ANKRD17: variants seen among roughly 807,000 people sequenced by gnomAD.
The protein encoded by ANKRD17 is ankyrin repeat domain 17, also known as ankyrin repeat domain-containing protein 17.
ANKRD17 carries 19 observed loss-of-function variants against 229.7 expected under a neutral mutation model. The observed-to-expected ratio is 0.08, with a 90% CI of 0.06 to 0.12. The LOEUF is 0.12. Ranked by LOEUF, ANKRD17 falls within the 10% of genes least tolerant of loss-of-function variation. The pLI, the probability that ANKRD17 is intolerant of heterozygous loss-of-function variation, is 1.00. For missense variants in ANKRD17, 2,176 were observed against 3,176.8 expected, an observed-to-expected ratio of 0.68 and a Z score of 7.57; for synonymous variants, 1,112 against 1,146.1, an observed-to-expected ratio of 0.97 and a Z score of 0.60.
chr4:73,118,094 G>C (rs576543082), intron 22 of ANKRD17, among the ~76,000 whole-genome samples: 1 of 152,112 alleles, frequency 6.6e-6, no homozygotes, highest in Admixed American at 6.5e-5. Flanking sequence ...TCAGCTCACT[G>C]CAACCTTTGC....
chr4:73,129,460 T>A (rs1241371560), intron 16 of ANKRD17, among the ~76,000 whole-genome samples: 1 of 152,108 alleles, frequency 6.6e-6, no homozygotes, highest in East Asian at 1.9e-4. Flanking sequence ...GTACAATGGC[T>A]CATGCCTGTA....
chr4:73,131,359 A>C (rs1282330629), intron 16 of ANKRD17, among the ~76,000 whole-genome samples: 1 of 152,240 alleles, frequency 6.6e-6, no homozygotes, highest in Non-Finnish European at 1.5e-5. Flanking sequence ...CTCCTGTCTA[A>C]AATGTTCAAC....
chr4:73,149,860 T>C (rs1321527069), intron 7 of ANKRD17, among the ~76,000 whole-genome samples: 1 of 152,128 alleles, frequency 6.6e-6, no homozygotes, highest in Admixed American at 6.6e-5. Context: ...TGAGACCCTG[T>C]CTCAAAAATG....
Position 73,142,433 on chromosome 4 carries a change from T to TA in ANKRD17, c.2086-49dup, listed in dbSNP as rs751886437. On this transcript the variant is annotated intron_variant, in intron 12 of 33. Coordinates refer to ENST00000358602, the MANE Select transcript of ANKRD17 (RefSeq NM_032217.5). ...GGAAAAAAAGTGAAGAAAAATAAGT[T>TA]AGTTTACAGAATCACTTAGGAAGAT... is the stretch of plus-strand genomic sequence containing the variant. 16 of 1,580,822 alleles carry TA rather than the reference T, an allele frequency of 1.0e-5. No individual in the cohort carries two copies. The South Asian group carries it at 1.9e-4, about 19-fold the overall frequency.
rs908849595 is a variant in ANKRD17, at chr4:73,152,340, A to G, written c.1235-816T>C. Among the ~76,000 whole-genome samples the G allele has an allele frequency of 3.3e-5, 5 of 152,076 alleles. No homozygotes were observed. The East Asian group carries it at 7.7e-4, about 24-fold the overall frequency. On this transcript the variant is annotated intron_variant, in intron 6 of 33. Transcript: ENST00000358602. ...GTAAGTGTAGTATCTGCCGCGTCTT[A>G]TATTTGTCAACTACCTACCATCCCT...
intron 3 of ANKRD17, among the ~76,000 whole-genome samples, chr4:73,158,416 T>C (rs1291061594): frequency 6.6e-6 from 1 of 152,224 alleles, no homozygotes; most frequent in Non-Finnish European, 1.5e-5. Flanking sequence ...TCAAATATGC[T>C]AAATAAGCTC....
intron 1 of ANKRD17, among the ~76,000 whole-genome samples, chr4:73,185,906 A>T (rs561216248): frequency 6.6e-6 from 1 of 152,128 alleles, no homozygotes; most frequent in South Asian, 2.1e-4. Flanking sequence ...TGAATAGAAA[A>T]ATTAAGAAAC....
At chr4:73,163,754 T>C (rs548229395) in intron 2 of ANKRD17, among the ~76,000 whole-genome samples, 15 of 152,364 alleles carry the variant, frequency 9.8e-5, no homozygotes, top group East Asian at 3.9e-4. Context: ...TTAGGTTTCA[T>C]ACAGGTGGTT....
intron 1 of ANKRD17, among the ~76,000 whole-genome samples, chr4:73,179,466 A>ATGTG (rs55769249): frequency 1.2e-3 from 72 of 60,768 alleles, no homozygotes; most frequent in African/African-American, 3.9e-3. Flanking sequence ...ATATGTATAT[A>ATGTG]TGTGTGTGTG....
intron 7 of ANKRD17, among the ~76,000 whole-genome samples, chr4:73,150,536 T>A (rs1375989796): frequency 6.6e-6 from 1 of 152,202 alleles, no homozygotes; most frequent in Non-Finnish European, 1.5e-5. Flanking sequence ...GAAAAACTTT[T>A]ATTTGTTAAA....
At chr4:73,193,925 T>C (rs1230032988) in intron 1 of ANKRD17, among the ~76,000 whole-genome samples, 1 of 152,096 alleles carries the variant, frequency 6.6e-6, no homozygotes, top group African/African-American at 2.4e-5. Flanking sequence ...GAGTGAAACC[T>C]TGTCTCAAAA....
intron 19 of ANKRD17, 49 bp downstream of exon 19, chr4:73,121,568 A>AT: frequency 3.7e-6 from 6 of 1,606,052 alleles, no homozygotes; most frequent in Non-Finnish European, 5.1e-6. Context: ...ACAAATATCT[A>AT]TAACAGTCTT....
intron 1 of ANKRD17, among the ~76,000 whole-genome samples, chr4:73,204,074 T>C (rs990812795): frequency 6.6e-6 from 1 of 151,504 alleles, no homozygotes; most frequent in Non-Finnish European, 1.5e-5. Context: ...AGATAAACAA[T>C]CTTGTACGGG....
At position 73,117,991 on chromosome 4, in the gene ANKRD17, T is replaced by C. The variant is rs187411328; in HGVS notation, c.4188+697A>G. ...ATTTTCATTATTTAATTCATTTTTT[T>C]TCCTAGTAAAGTCAATAATTGAAAT... On this transcript the variant is annotated intron_variant, in intron 22 of 33. Coordinates refer to ENST00000358602, the MANE Select transcript of ANKRD17 (RefSeq NM_032217.5). Among the ~76,000 whole-genome samples, 205 of 152,288 alleles carry C rather than the reference T, an allele frequency of 1.3e-3. 1 individual carries two copies. Among genetic ancestry groups the C allele is most frequent in the African/African-American group, 4.7e-3 (195 of 41,560 alleles).
intron 1 of ANKRD17, among the ~76,000 whole-genome samples, chr4:73,231,437 A>AC (rs1311311453): frequency 1.3e-5 from 2 of 152,190 alleles, no homozygotes; most frequent in African/African-American, 4.8e-5. Context: ...GATATCTGTT[A>AC]CCACTCTGCG....
chr4:73,206,841 A>G (rs1196088015), intron 1 of ANKRD17, among the ~76,000 whole-genome samples: 1 of 151,988 alleles, frequency 6.6e-6, no homozygotes, highest in African/African-American at 2.4e-5. Context: ...TTTTTCCCCC[A>G]AGACAGAGTT....
Position 73,090,906 on chromosome 4 carries a change from A to G in ANKRD17, c.6722T>C (p.Ile2241Thr), listed in dbSNP as rs1444887643. 6.2e-7 allele frequency: 1 copy of G among 1,614,242 alleles called. No individual in the cohort carries two copies. Among genetic ancestry groups the G allele is most frequent in the East Asian group, 2.2e-5 (1 of 44,892 alleles). ...QNSVHPANKPIAPNFSAPLPF... is the reference protein window; with the variant it reads ...QNSVHPANKPTAPNFSAPLPF... The stretch of plus-strand genomic sequence containing the variant: ...TAAGGGGGCACTGAAATTGGGAGCA[A>G]TAGGCTTATTTGCTGGATGTACTGA... Residue 2241 changes from isoleucine (I) to threonine (T), a missense_variant, in exon 29 of 34, where the codon ATT becomes ACT. Transcript: ENST00000358602.
chr4:73,135,233 T>C lies in ANKRD17; in HGVS notation c.3118A>G (p.Thr1040Ala). The C allele has an allele frequency of 1.2e-6, 2 of 1,612,334 alleles. No individual in the cohort carries two copies. The highest frequency in any genetic ancestry group is 1.7e-6 in the Non-Finnish European group (2 of 1,179,000). Residue 1040 changes from threonine to alanine, a missense_variant, in exon 16 of 34, where the codon ACT (threonine) becomes GCT (alanine). Physicochemically the swap from Thr to Ala is moderately conservative, Grantham distance 58. Transcript: ENST00000358602. ...VSGRASAMSNTPTHSIAASIS... is the reference protein window; with the variant it reads ...VSGRASAMSNAPTHSIAASIS... ...GATGCAGCAATACTGTGGGTAGGAGTGTTTGACATTGCAGATGCTCTTCCA... is the reference window on the plus strand; with the variant it reads ...GATGCAGCAATACTGTGGGTAGGAGCGTTTGACATTGCAGATGCTCTTCCA...
intron 27 of ANKRD17, among the ~76,000 whole-genome samples, chr4:73,095,362 A>G (rs1022473230): frequency 2.6e-5 from 4 of 152,052 alleles, no homozygotes; most frequent in Non-Finnish European, 5.9e-5. Flanking sequence ...GCACTTTGGG[A>G]AGCCAAGGTG....
Sources: gnomAD v4.1 joint callset for allele counts (sites outside exome capture counted in the v4.1 genomes callset) on GRCh38, gnomAD v4.1.1 for gene constraint, MANE v1.5 for transcripts, NCBI Gene and HGNC (gene_info 2026-07-23, HGNC 2026-07-21) for gene names.